Variants in AUTS2 observed in about 807,000 individuals in gnomAD.
The protein encoded by AUTS2 is activator of transcription and developmental regulator AUTS2.
A neutral mutation model predicts 112.4 loss-of-function variants in AUTS2; 17 were observed. The ratio of observed to expected loss-of-function variants is 0.15; its 90% CI spans 0.10 to 0.23. AUTS2 has a LOEUF of 0.23. Ranked by LOEUF, AUTS2 falls within the 10% of genes least tolerant of loss-of-function variation. The pLI is 1.00. For synonymous variants in AUTS2, 751 were observed against 702.7 expected (o/e 1.07, Z -1.09); for missense variants, 1,510 against 1,701.6 (o/e 0.89, Z 1.98).
At chr7:69,943,293 A>T (rs1384896546) in intron 2 of AUTS2, among the ~76,000 whole-genome samples, 1 of 152,234 alleles carries the variant, frequency 6.6e-6, no homozygotes, top group Non-Finnish European at 1.5e-5. Flanking sequence ...GGCCTGGAAC[A>T]TAGTATGTTT....
intron 2 of AUTS2, among the ~76,000 whole-genome samples, chr7:69,967,075 G>C (rs1376246482): frequency 1.3e-5 from 2 of 152,100 alleles, no homozygotes; most frequent in Non-Finnish European, 2.9e-5. Context: ...TTCACTATTT[G>C]CTAAAGAGAC....
intron 4 of AUTS2, among the ~76,000 whole-genome samples, chr7:70,414,393 C>CA (rs1794907023): frequency 6.6e-6 from 1 of 152,186 alleles, no homozygotes; most frequent in African/African-American, 2.4e-5. Flanking sequence ...CAGGGATAAT[C>CA]AGCAGTGGGA....
chr7:70,423,775 A>G (rs759019541), intron 4 of AUTS2, among the ~76,000 whole-genome samples: 1 of 152,090 alleles, frequency 6.6e-6, no homozygotes, highest in Non-Finnish European at 1.5e-5. Flanking sequence ...TTGAGAGGGA[A>G]TGATGGTTTC....
intron 5 of AUTS2, among the ~76,000 whole-genome samples, chr7:70,557,098 C>T (rs1801280230): frequency 6.6e-6 from 1 of 152,178 alleles, no homozygotes; most frequent in Non-Finnish European, 1.5e-5. Context: ...AATTCTCATC[C>T]TTGAGCAGAG....
At chr7:70,100,448 CT>C (rs1169373482) in intron 2 of AUTS2, among the ~76,000 whole-genome samples, 3 of 150,246 alleles carry the variant, frequency 2.0e-5, no homozygotes, top group African/African-American at 7.4e-5. Flanking sequence ...TTTTTAAATA[CT>C]TTAAGTTCTA....
chr7:70,082,670 T>C (rs1230066065), intron 2 of AUTS2, among the ~76,000 whole-genome samples: 5 of 152,228 alleles, frequency 3.3e-5, no homozygotes, highest in Admixed American at 6.5e-5. Flanking sequence ...TCCTCGCCTT[T>C]TATGTAGCCC....
chr7:70,745,063 T>G (rs1788368046), intron 6 of AUTS2, among the ~76,000 whole-genome samples: 1 of 152,136 alleles, frequency 6.6e-6, no homozygotes, highest in Admixed American at 6.5e-5. Context: ...TTTAAAAAAT[T>G]GACTCTTACC....
At chr7:69,763,477 G>A (rs1226924368) in intron 1 of AUTS2, among the ~76,000 whole-genome samples, 2 of 152,090 alleles carry the variant, frequency 1.3e-5, no homozygotes, top group African/African-American at 2.4e-5. Context: ...TCTCATTCTT[G>A]TAGGTCCATT....
At chr7:69,600,045 C>G in intron 1 of AUTS2, 83 bp downstream of exon 1, 1 of 1,408,728 alleles carries the variant, frequency 7.1e-7, no homozygotes, top group Non-Finnish European at 9.9e-7. Flanking sequence ...TCCCTCGCCG[C>G]GCTCCGGGCT....
At chr7:70,776,980 A>C (rs983596317) in intron 13 of AUTS2, 123 bp from the exon 14 acceptor site, 2 of 856,140 alleles carry the variant, frequency 2.3e-6, no homozygotes, top group Non-Finnish European at 3.9e-6. Context: ...TGGAGAGTAC[A>C]AAGCACTCTT....
intron 4 of AUTS2, among the ~76,000 whole-genome samples, chr7:70,173,398 A>G (rs1410335009): frequency 6.6e-6 from 1 of 151,652 alleles, no homozygotes; most frequent in Non-Finnish European, 1.5e-5. Flanking sequence ...GAAAATGTTG[A>G]CGGAAGGCAT....
intron 2 of AUTS2, among the ~76,000 whole-genome samples, chr7:69,979,043 A>G (rs1340732087): frequency 2.6e-5 from 4 of 152,178 alleles, no homozygotes; most frequent in Admixed American, 2.6e-4. Flanking sequence ...TTTAAAAACT[A>G]TTTTTGGAAA....
At chr7:70,704,940 G>C (rs1172588587) in intron 6 of AUTS2, among the ~76,000 whole-genome samples, 1 of 152,220 alleles carries the variant, frequency 6.6e-6, no homozygotes, top group Non-Finnish European at 1.5e-5. Flanking sequence ...CGCCAGTTAA[G>C]CGCCTACAGA....
intron 5 of AUTS2, among the ~76,000 whole-genome samples, chr7:70,597,317 T>C (rs1585353298): frequency 1.3e-5 from 2 of 152,346 alleles, no homozygotes; most frequent in East Asian, 3.9e-4. Flanking sequence ...CAGAGCTCCC[T>C]CTCTCCTGCC....
chr7:69,991,276 A>G (rs1798731961), intron 2 of AUTS2, among the ~76,000 whole-genome samples: 1 of 152,194 alleles, frequency 6.6e-6, no homozygotes, highest in Admixed American at 6.5e-5. Context: ...TCCTGAGGTG[A>G]TGCAGTGTAG....
At chr7:70,775,039 T>C in intron 12 of AUTS2, 1 of 371,488 alleles carries the variant, frequency 2.7e-6, no homozygotes, top group South Asian at 4.9e-5. Flanking sequence ...ACCTACCCGG[T>C]GTGGTTTGGA....
At chr7:70,786,666 C>T (rs1343315548) in intron 17 of AUTS2, among the ~76,000 whole-genome samples, 3 of 152,068 alleles carry the variant, frequency 2.0e-5, no homozygotes, top group South Asian at 2.1e-4. Context: ...CCATATATTC[C>T]GGGTACAGGA....
At chr7:70,072,591 G>A (rs1584676446) in intron 2 of AUTS2, among the ~76,000 whole-genome samples, 3 of 152,326 alleles carry the variant, frequency 2.0e-5, no homozygotes, top group South Asian at 2.1e-4. Flanking sequence ...TAAAAAAACA[G>A]TAGAGAGGAT....
chr7:70,475,024 G>A (rs1012988243), intron 5 of AUTS2, among the ~76,000 whole-genome samples: 7 of 152,198 alleles, frequency 4.6e-5, no homozygotes, highest in Middle Eastern at 3.4e-3. Flanking sequence ...TTGTTTGTTC[G>A]TTGTTCTCTT....
Sources: gnomAD v4.1 joint callset for allele counts (sites outside exome capture counted in the v4.1 genomes callset) on GRCh38, gnomAD v4.1.1 for gene constraint, MANE v1.5 for transcripts, NCBI Gene and HGNC (gene_info 2026-07-23, HGNC 2026-07-21) for gene names.